The following CCM2L variants were observed in gnomAD, a reference collection of about 807,000 sequenced individuals.
CCM2L encodes the protein cerebral cavernous malformations 2 protein-like.
A neutral mutation model predicts 54.1 loss-of-function variants in CCM2L; 36 were observed. That is an observed-to-expected ratio of 0.67 (90% CI 0.51 to 0.88). CCM2L has a LOEUF of 0.88. Among genes scored for constraint, CCM2L ranks in the 40% least tolerant of loss-of-function variants. The pLI, the probability that CCM2L is intolerant of heterozygous loss-of-function variation, is 0.00. For missense variants in CCM2L, 700 were observed against 812.1 expected (o/e 0.86, Z 1.68); for synonymous variants, 351 against 359.3 (o/e 0.98, Z 0.26).
chr20:32,022,903 T>G, intron 6 of CCM2L, 108 bp downstream of exon 6: 1 of 1,229,798 alleles, frequency 8.1e-7, no homozygotes, highest in East Asian at 2.5e-5. Context: ...GGGCTCCTGA[T>G]CTCTGCCATA....
intron 4 of CCM2L, 87 bp downstream of exon 4, chr20:32,018,249 AGGGGCC>A: frequency 2.3e-6 from 1 of 443,658 alleles, no homozygotes; most frequent in Non-Finnish European, 3.4e-6. Flanking sequence ...GGGCAGGGGC[AGGGGCC>A]GGAGGTGTGC....
Position 32,022,768 on chromosome 20 carries a change from C to G in CCM2L, c.1042C>G (p.Pro348Ala). The change falls in exon 6 of 10, where the codon CCT becomes GCT. Residue 348 changes from proline to alanine, a missense_variant. Coordinates refer to ENST00000452892, the MANE Select transcript of CCM2L (RefSeq NM_001365692.1). ...DRAGYHYTST[P>A]ERPWLCSRSE... ...GGCTGGCTACCACTACACATCCACACCTGAACGGCCATGGCTCTGCAGCCG... is the reference window on the plus strand; with the variant it reads ...GGCTGGCTACCACTACACATCCACAGCTGAACGGCCATGGCTCTGCAGCCG... 6.2e-7 allele frequency: 1 copy of G among 1,613,490 alleles called. No individual in the cohort carries two copies. The highest frequency in any genetic ancestry group is 1.3e-5 in the African/African-American group (1 of 74,984).
chr20:32,029,163 G>C (rs2064894857), intron 8 of CCM2L, 39 bp downstream of exon 8: 3 of 1,613,732 alleles, frequency 1.9e-6, no homozygotes, highest in Non-Finnish European at 2.5e-6. Flanking sequence ...ACAAGCAAAA[G>C]CCTGGAGGCT....
intron 7 of CCM2L, among the ~76,000 whole-genome samples, chr20:32,026,312 G>A (rs952078692): frequency 4.6e-5 from 7 of 152,126 alleles, no homozygotes; most frequent in African/African-American, 1.7e-4. Context: ...ACATAAAATA[G>A]AGCAGCAATT....
intron 2 of CCM2L, among the ~76,000 whole-genome samples, chr20:32,016,212 A>C (rs1305159152): frequency 2.0e-5 from 3 of 152,104 alleles, no homozygotes; most frequent in Admixed American, 1.3e-4. Flanking sequence ...AAAGATTGAT[A>C]TGGGGGTAGG....
chr20:32,022,727 T>C lies in CCM2L; in HGVS notation c.1001T>C (p.Ile334Thr), dbSNP rs762095042. The change falls in exon 6 of 10, where the codon ATT (isoleucine) becomes ACT (threonine). Residue 334 changes from isoleucine (I) to threonine (T), a missense_variant. Ile to Thr is a moderately conservative substitution (Grantham distance 89, BLOSUM62 -1). Coordinates refer to ENST00000452892, the MANE Select transcript of CCM2L (RefSeq NM_001365692.1). ...CAGATCATCTACGGGGACCAGAGTATTGAGTGTGTGGACCGGGCTGGCTAC... is the reference window on the plus strand; with the variant it reads ...CAGATCATCTACGGGGACCAGAGTACTGAGTGTGTGGACCGGGCTGGCTAC... ...VFQIIYGDQS[I>T]ECVDRAGYHY... 1 of 1,614,098 alleles carries C rather than the reference T, an allele frequency of 6.2e-7. No homozygotes were observed. The highest frequency in any genetic ancestry group is 1.7e-5 in the Admixed American group (1 of 60,030).
rs759584422 is a variant in CCM2L, at chr20:32,028,994, G to A, written c.1134-1G>A. 11 of 1,614,032 alleles carry A rather than the reference G, an allele frequency of 6.8e-6. No homozygotes were observed. The Admixed American group carries it at 1.8e-4, about 27-fold the overall frequency. On this transcript the variant is annotated splice_acceptor_variant, in intron 7 of 9. Transcript: ENST00000452892. LOFTEE classifies it high-confidence loss of function. ...GAAGGCCCTTCTTCCCGTGCCTGCA[G>A]TAATGGCTCCCAGGACACCTTTGAA...
chr20:32,025,056 CTTCT>C (rs75583214), intron 6 of CCM2L, among the ~76,000 whole-genome samples: 5,357 of 150,892 alleles, frequency 0.036, 126 homozygotes, highest in South Asian at 0.078. Context: ...TCTCTTTCTT[CTTCT>C]TTCTTTCTTT....
At chr20:32,015,834 C>T (rs1488722244) in intron 2 of CCM2L, among the ~76,000 whole-genome samples, 1 of 150,326 alleles carries the variant, frequency 6.7e-6, no homozygotes, top group Non-Finnish European at 1.5e-5. Context: ...ACACAAAGGA[C>T]TTCCACCACT....
In CCM2L at chr20:32,031,486, C is replaced by A. The variant is rs2064928441; in HGVS notation, c.*172C>A. The A allele has an allele frequency of 2.4e-6, 1 of 418,602 alleles. No individual in the cohort carries two copies. The highest frequency in any genetic ancestry group is 3.9e-6 in the Non-Finnish European group (1 of 257,550). 25.9% of individuals were successfully genotyped at this position (418,602 alleles called of 1,614,324 possible). A position where few individuals can be genotyped will look rare whatever the true frequency, so the allele number is the denominator to read the frequency against. ...CGGGGCCATGCAGTACCTGGAGTGTCCTGCAGGGGGAAAGCGAAGCCGGGC... is the reference window on the plus strand; with the variant it reads ...CGGGGCCATGCAGTACCTGGAGTGTACTGCAGGGGGAAAGCGAAGCCGGGC... On this transcript the variant is annotated 3_prime_UTR_variant, in exon 10 of 10. Transcript: ENST00000452892.
intron 8 of CCM2L, 48 bp downstream of exon 8, chr20:32,029,172 C>T (rs2064895123): frequency 6.2e-7 from 1 of 1,613,180 alleles, no homozygotes; most frequent in Non-Finnish European, 8.5e-7. Context: ...AGCCTGGAGG[C>T]TGGAGTAAAC....
intron 6 of CCM2L, among the ~76,000 whole-genome samples, chr20:32,025,595 C>G (rs551483150): frequency 6.6e-6 from 1 of 152,116 alleles, no homozygotes; most frequent in Non-Finnish European, 1.5e-5. Context: ...CTGAAACACA[C>G]AGTTTACAAA....
rs890858651 is a variant in CCM2L at position 32,016,233 on chromosome 20, C to A, written c.198+1162C>A. ...TGATATGGGGGTAGGGTTGTCTGAA[C>A]TGGCAAACAATAAGCCACCTAGTAA... is the stretch of plus-strand genomic sequence containing the variant. On this transcript the variant is annotated intron_variant, in intron 2 of 9. Coordinates refer to ENST00000452892, the MANE Select transcript of CCM2L (RefSeq NM_001365692.1). 3.3e-5 allele frequency among the ~76,000 whole-genome samples: 5 copies of A among 152,088 alleles called. No individual in the cohort carries two copies. In the East Asian group the frequency reaches 9.6e-4, roughly 29 times the overall value.
intron 6 of CCM2L, 149 bp from the exon 7 acceptor site, chr20:32,025,707 G>C (rs1340525562): frequency 4.7e-6 from 2 of 424,542 alleles, no homozygotes; most frequent in African/African-American, 2.0e-5. Context: ...GATCAGGAGA[G>C]GGGAGGGGAG....
rs1355226391 is a variant in CCM2L, at chr20:32,031,732, C to T, written c.*418C>T. ...ATTTCCAGAACTCGGTCCTATTTTA[C>T]AGATTGAGAAACTATGGTTCAAGAA... On this transcript the variant is annotated 3_prime_UTR_variant, in exon 10 of 10. Transcript: ENST00000452892. 1 of 167,006 alleles carries T rather than the reference C, an allele frequency of 6.0e-6. No homozygotes were observed. The highest frequency in any genetic ancestry group is 1.3e-5 in the Non-Finnish European group (1 of 77,942). The allele number at this position is 167,006 out of a possible 1,614,324, so 10.3% of individuals were successfully genotyped here.
At chr20:32,028,876 G>A in intron 7 of CCM2L, 119 bp from the exon 8 acceptor site, 2 of 1,307,346 alleles carry the variant, frequency 1.5e-6, no homozygotes, top group Non-Finnish European at 2.1e-6. Context: ...CCAGGGGCCA[G>A]GGTATGCGAG....
At chr20:32,019,784 C>T (rs1247086113) in intron 5 of CCM2L, among the ~76,000 whole-genome samples, 1 of 152,166 alleles carries the variant, frequency 6.6e-6, no homozygotes, top group Non-Finnish European at 1.5e-5. Flanking sequence ...TCACAGCAAC[C>T]TCTGGAGGCA....
At chr20:32,030,314 G>A (rs2064909361) in intron 9 of CCM2L, among the ~76,000 whole-genome samples, 1 of 152,140 alleles carries the variant, frequency 6.6e-6, no homozygotes, top group African/African-American at 2.4e-5. Context: ...CATTTTGCAG[G>A]TGAGGAAACT....
intron 2 of CCM2L, among the ~76,000 whole-genome samples, chr20:32,016,158 A>G (rs992392005): frequency 8.6e-5 from 13 of 151,428 alleles, no homozygotes; most frequent in African/African-American, 3.2e-4. Flanking sequence ...CACACCTGGC[A>G]TGAACACCAT....
Sources: allele counts gnomAD v4.1 joint callset (sites outside exome capture counted in the v4.1 genomes callset), GRCh38; gene constraint gnomAD v4.1.1; transcripts MANE v1.5; gene names NCBI Gene and HGNC (gene_info 2026-07-23, HGNC 2026-07-21).